CUL3: variants seen among roughly 807,000 people sequenced by gnomAD.
CUL3 encodes the protein cullin 3.
CUL3 carries 19 observed loss-of-function variants against 89.1 expected under a neutral mutation model. That is an observed-to-expected ratio of 0.21 (90% confidence interval 0.15 to 0.31). The LOEUF (loss-of-function observed/expected upper bound fraction) is 0.31. CUL3 is among the 10% of genes least tolerant of loss of function. The probability of loss-of-function intolerance (pLI) is 1.00; values close to 1 mark genes in which losing one functional copy is unlikely to be tolerated. For synonymous variants in CUL3, 351 were observed against 308.4 expected, an observed-to-expected ratio of 1.14 and a Z score of -1.45; for missense variants, 469 against 942.3, an observed-to-expected ratio of 0.50 and a Z score of 6.58.
In CUL3 at chr2:224,473,514, A is replaced by G. The variant is rs1173477080; in HGVS notation, c.*731T>C. 1.1e-5 allele frequency: 2 copies of G among 182,678 alleles called. No individual in the cohort carries two copies. The highest frequency in any genetic ancestry group is 2.3e-5 in the Non-Finnish European group (2 of 85,648). The allele number at this position is 182,678 out of a possible 1,614,324, so 11.3% of individuals were successfully genotyped here. A position where few individuals can be genotyped will look rare whatever the true frequency, so the allele number is the denominator to read the frequency against. On this transcript the variant is annotated 3_prime_UTR_variant, in exon 16 of 16. Coordinates refer to ENST00000264414, the MANE Select transcript of CUL3 (RefSeq NM_003590.5). ...TACAACAGCAAAAAAATTATTGTAC[A>G]ATTTACACATACTAAAATACTTTCT...
intron 3 of CUL3, among the ~76,000 whole-genome samples, chr2:224,534,366 G>A (rs1228020271): frequency 6.6e-6 from 1 of 152,108 alleles, no homozygotes; most frequent in Non-Finnish European, 1.5e-5. Context: ...CCTTAAACAA[G>A]ACTAGCTGCA....
At chr2:224,575,345 T>C (rs1321008974) in intron 1 of CUL3, among the ~76,000 whole-genome samples, 1 of 152,140 alleles carries the variant, frequency 6.6e-6, no homozygotes, top group East Asian at 1.9e-4. Context: ...ACCACTGTCT[T>C]GCAATTTTCT....
intron 13 of CUL3, among the ~76,000 whole-genome samples, chr2:224,493,458 C>A (rs1234051800): frequency 6.6e-6 from 1 of 152,314 alleles, no homozygotes; most frequent in East Asian, 1.9e-4. Context: ...AGCCAGAAGG[C>A]TTTGGAGCCA....
In CUL3 at chr2:224,534,995, C is replaced by T. The variant is rs997651944; in HGVS notation, c.378+533G>A. Among the ~76,000 whole-genome samples the T allele has an allele frequency of 7.8e-5, 11 of 140,498 alleles. 1 individual carries two copies. The highest frequency in any genetic ancestry group is 4.3e-4 in the Admixed American group (6 of 14,114). The allele number at this position is 140,498 out of a possible 152,430, so 92.2% of individuals were successfully genotyped here. A position where few individuals can be genotyped will look rare whatever the true frequency, so the allele number is the denominator to read the frequency against. On this transcript the variant is annotated intron_variant, in intron 3 of 15. Coordinates refer to ENST00000264414, the MANE Select transcript of CUL3 (RefSeq NM_003590.5). ...CAGCCTGGGGAACAGAGCGAGACCC[C>T]GTCTCAAAATAAATAAATAAATAAA...
At chr2:224,475,990 T>C (rs887359146) in intron 15 of CUL3, among the ~76,000 whole-genome samples, 1 of 152,064 alleles carries the variant, frequency 6.6e-6, no homozygotes, top group Non-Finnish European at 1.5e-5. Context: ...TGTAAAATTT[T>C]ACTGAAACAC....
At chr2:224,536,267 T>G (rs1362639053) in intron 2 of CUL3, among the ~76,000 whole-genome samples, 1 of 152,208 alleles carries the variant, frequency 6.6e-6, no homozygotes, top group Non-Finnish European at 1.5e-5. Flanking sequence ...GCCTCTTTAC[T>G]AAATACAGCA....
intron 15 of CUL3, among the ~76,000 whole-genome samples, chr2:224,477,351 AAG>A (rs1462862059): frequency 6.6e-6 from 1 of 152,152 alleles, no homozygotes; most frequent in Non-Finnish European, 1.5e-5. Context: ...CAGTGCTCTA[AAG>A]AGTTTCTGTT....
intron 13 of CUL3, among the ~76,000 whole-genome samples, chr2:224,488,090 C>T (rs1172259963): frequency 1.3e-5 from 2 of 152,100 alleles, no homozygotes; most frequent in African/African-American, 2.4e-5. Context: ...TGGGACACGG[C>T]TAAAGCAGTG....
intron 2 of CUL3, among the ~76,000 whole-genome samples, chr2:224,538,661 G>A (rs1022886440): frequency 8.5e-5 from 13 of 152,144 alleles, no homozygotes; most frequent in African/African-American, 2.2e-4. Flanking sequence ...CAGATAAAGA[G>A]TTGGAATTTG....
intron 2 of CUL3, among the ~76,000 whole-genome samples, chr2:224,546,672 G>GGC (rs1553533922): frequency 1.3e-5 from 2 of 149,216 alleles, no homozygotes; most frequent in African/African-American, 4.9e-5. Context: ...TAGGATGGGG[G>GGC]GGGGTACTTG....
At chr2:224,482,233 T>G (rs1691562201) in intron 13 of CUL3, among the ~76,000 whole-genome samples, 155 bp from the exon 14 acceptor site, 1 of 152,112 alleles carries the variant, frequency 6.6e-6, no homozygotes, top group Admixed American at 6.5e-5. Flanking sequence ...GACACATCAT[T>G]AAAATCTCAT....
intron 1 of CUL3, among the ~76,000 whole-genome samples, chr2:224,559,993 G>C (rs1168590887): frequency 6.6e-6 from 1 of 152,160 alleles, no homozygotes; most frequent in African/African-American, 2.4e-5. Context: ...TGAGGCGGGA[G>C]GATCGCTTGA....
At chr2:224,518,910 C>T (rs1353049803) in intron 3 of CUL3, among the ~76,000 whole-genome samples, 1 of 152,192 alleles carries the variant, frequency 6.6e-6, no homozygotes, top group African/African-American at 2.4e-5. Flanking sequence ...TACCTTATGG[C>T]CTACAATGTC....
chr2:224,579,485 G>GAA (rs76285596), intron 1 of CUL3, among the ~76,000 whole-genome samples: 1 of 131,380 alleles, frequency 7.6e-6, no homozygotes, highest in Non-Finnish European at 1.7e-5. Flanking sequence ...TCGAAGAAAA[G>GAA]AAAAAAAAAA....
At chr2:224,566,813 T>C (rs931817343) in intron 1 of CUL3, among the ~76,000 whole-genome samples, 9 of 152,200 alleles carry the variant, frequency 5.9e-5, no homozygotes, top group African/African-American at 2.2e-4. Flanking sequence ...TGCACCCACA[T>C]ACAAGCTGCA....
At chr2:224,503,619 G>C (rs2106196235) in intron 9 of CUL3, 33 bp downstream of exon 9, 2 of 1,504,828 alleles carry the variant, frequency 1.3e-6, no homozygotes, top group Non-Finnish European at 1.8e-6. Context: ...ACCTCAGTTA[G>C]GTGCACTCTA....
At chr2:224,529,617 G>C (rs987164147) in intron 3 of CUL3, among the ~76,000 whole-genome samples, 2 of 144,526 alleles carry the variant, frequency 1.4e-5, no homozygotes, top group Non-Finnish European at 3.1e-5. Context: ...CTCTCAAAAA[G>C]AAAAAAAAAA....
intron 1 of CUL3, among the ~76,000 whole-genome samples, chr2:224,558,798 T>C (rs1005364215): frequency 1.2e-4 from 19 of 152,182 alleles, no homozygotes; most frequent in Non-Finnish European, 2.2e-4. Flanking sequence ...ATCCCAGCAC[T>C]ATGGGAGGCC....
chr2:224,550,575 T>G (rs1291857184), intron 2 of CUL3, among the ~76,000 whole-genome samples: 1 of 152,128 alleles, frequency 6.6e-6, no homozygotes, highest in Non-Finnish European at 1.5e-5. Flanking sequence ...ATGGAGCTCC[T>G]TTGTCTGCCC....
Sources: allele counts gnomAD v4.1 joint callset (sites outside exome capture counted in the v4.1 genomes callset), GRCh38; gene constraint gnomAD v4.1.1; transcripts MANE v1.5; gene names NCBI Gene and HGNC (gene_info 2026-07-23, HGNC 2026-07-21).